Variants in DLG1 observed in about 807,000 individuals in gnomAD.
DLG1 encodes disks large homolog 1.
In DLG1, 42 loss-of-function variants were observed where a neutral mutation model predicts 123.4. The observed-to-expected ratio is 0.34, with a 90% confidence interval of 0.27 to 0.44. DLG1 has a LOEUF of 0.44. DLG1 is among the 20% of genes least tolerant of loss of function. DLG1 has a pLI of 1.00. For synonymous variants in DLG1, 317 were observed against 356.2 expected (o/e 0.89, Z 1.24); for missense variants, 942 against 1,082.6 (o/e 0.87, Z 1.82).
At chr3:197,259,286 A>T (rs1758279436) in intron 4 of DLG1, among the ~76,000 whole-genome samples, 1 of 152,198 alleles carries the variant, frequency 6.6e-6, no homozygotes, top group Non-Finnish European at 1.5e-5. Context: ...CTCCTTATAA[A>T]CAGGGAATGG....
At chr3:197,279,356 T>C (rs1463379594) in intron 4 of DLG1, among the ~76,000 whole-genome samples, 1 of 152,238 alleles carries the variant, frequency 6.6e-6, no homozygotes, top group Non-Finnish European at 1.5e-5. Context: ...TATAAGATGG[T>C]ACTTCCTACT....
chr3:197,168,319 A>C (rs1247039583), intron 5 of DLG1, among the ~76,000 whole-genome samples: 1 of 152,242 alleles, frequency 6.6e-6, no homozygotes. Flanking sequence ...ACGACGCATC[A>C]ACACACACAA....
rs527805950 is a variant in DLG1, at chr3:197,186,800, A to C, written c.483+7625T>G. Among the ~76,000 whole-genome samples the C allele has an allele frequency of 8.8e-3, 1,339 of 151,910 alleles. 12 individuals carry two copies. Among genetic ancestry groups the C allele is most frequent in the Non-Finnish European group, 0.015 (1,031 of 67,944 alleles). On this transcript the variant is annotated intron_variant, in intron 5 of 24. Coordinates refer to ENST00000667157, the MANE Select transcript of DLG1 (RefSeq NM_001366207.1). ...ACTACGTTGCCCAGGCTGGTCTTGA[A>C]CTCCTTGGCTCAATCCATGCTCCTG...
chr3:197,138,453 CT>C, intron 8 of DLG1, 62 bp from the exon 9 acceptor site: 1 of 945,056 alleles, frequency 1.1e-6, no homozygotes. Flanking sequence ...AAATTTTCCA[CT>C]TTACCAATTT....
At chr3:197,162,960 G>A (rs985325053) in intron 5 of DLG1, among the ~76,000 whole-genome samples, 1 of 152,104 alleles carries the variant, frequency 6.6e-6, no homozygotes, top group African/African-American at 2.4e-5. Flanking sequence ...CACCTGATAA[G>A]GGTTTAATAT....
At chr3:197,082,235 T>C (rs1230075504) in intron 16 of DLG1, among the ~76,000 whole-genome samples, 1 of 152,178 alleles carries the variant, frequency 6.6e-6, no homozygotes, top group Admixed American at 6.5e-5. Context: ...CTGGGCGCAG[T>C]GGCGGGTGCC....
intron 4 of DLG1, among the ~76,000 whole-genome samples, chr3:197,252,791 GT>G (rs1449756989): frequency 2.0e-5 from 3 of 152,178 alleles, no homozygotes; most frequent in Non-Finnish European, 2.9e-5. Flanking sequence ...AATAGTGGTA[GT>G]GGCTGCATCT....
At chr3:197,206,113 A>G (rs1728384478) in intron 4 of DLG1, among the ~76,000 whole-genome samples, 1 of 152,150 alleles carries the variant, frequency 6.6e-6, no homozygotes, top group Non-Finnish European at 1.5e-5. Flanking sequence ...GGGCACAGAC[A>G]TCTTTGAGGG....
At chr3:197,203,193 G>A (rs911966323) in intron 4 of DLG1, among the ~76,000 whole-genome samples, 2 of 152,110 alleles carry the variant, frequency 1.3e-5, no homozygotes, top group African/African-American at 4.8e-5. Context: ...GAGCCCGGGA[G>A]GTTGAGGCTG....
intron 5 of DLG1, among the ~76,000 whole-genome samples, chr3:197,157,955 A>C (rs1442043544): frequency 6.6e-6 from 1 of 152,222 alleles, no homozygotes; most frequent in African/African-American, 2.4e-5. Context: ...TTAGAAGAAA[A>C]CACAGGCTAA....
Position 197,075,165 on chromosome 3 carries a change from T to C in DLG1, c.2005+1421A>G, listed in dbSNP as rs1274382197. The stretch of plus-strand genomic sequence containing the variant: ...CATTTATTGAATGTCTTCTACATAC[T>C]AGACCCTGTGTGAAGCTTTACATGA... On this transcript the variant is annotated intron_variant, in intron 18 of 24. Transcript: ENST00000667157. Among the ~76,000 whole-genome samples, 5 of 151,982 alleles carry C rather than the reference T, an allele frequency of 3.3e-5. No homozygotes were observed. The East Asian group carries it at 7.7e-4, about 23-fold the overall frequency.
chr3:197,147,595 C>T (rs557973378), intron 6 of DLG1, among the ~76,000 whole-genome samples: 2 of 152,234 alleles, frequency 1.3e-5, no homozygotes, highest in East Asian at 3.9e-4. Flanking sequence ...ACAGTATGTT[C>T]TCACTCATAA....
At chr3:197,113,952 T>C (rs1771584505) in intron 13 of DLG1, among the ~76,000 whole-genome samples, 1 of 152,080 alleles carries the variant, frequency 6.6e-6, no homozygotes, top group Admixed American at 6.6e-5. Flanking sequence ...TGCCTGTGAA[T>C]AGCCACTGTA....
Position 197,157,764 on chromosome 3 carries a change from C to T in DLG1, c.484-7968G>A, listed in dbSNP as rs9990155. On this transcript the variant is annotated intron_variant, in intron 5 of 24. Transcript: ENST00000667157. The stretch of plus-strand genomic sequence containing the variant: ...TAATGAAAAAGAAAAACAAAGGTGG[C>T]GGGCTAACACTTCCTGATTCCAAAA... Among the ~76,000 whole-genome samples the T allele has an allele frequency of 9.8e-3, 1,488 of 152,194 alleles. 7 individuals carry two copies. Among genetic ancestry groups the T allele is most frequent in the Middle Eastern group, 0.027 (8 of 294 alleles).
chr3:197,164,918 T>C (rs900833307), intron 5 of DLG1, among the ~76,000 whole-genome samples: 2 of 142,738 alleles, frequency 1.4e-5, no homozygotes, highest in Non-Finnish European at 3.0e-5. Context: ...AGCAAGACTA[T>C]CTCAAAAAAA....
At chr3:197,201,102 G>A (rs903620659) in intron 4 of DLG1, among the ~76,000 whole-genome samples, 3 of 152,092 alleles carry the variant, frequency 2.0e-5, no homozygotes, top group Admixed American at 6.5e-5. Flanking sequence ...AGACTCCACC[G>A]GCCGGGCGCA....
intron 3 of DLG1, among the ~76,000 whole-genome samples, chr3:197,289,341 T>TACACACACACACAC (rs56319334): frequency 3.2e-4 from 48 of 150,398 alleles, no homozygotes; most frequent in East Asian, 9.9e-4. Flanking sequence ...TACACGCGCA[T>TACACACACACACAC]ACACACACAC....
At chr3:197,091,763 A>G (rs545522067) in intron 14 of DLG1, among the ~76,000 whole-genome samples, 2 of 152,136 alleles carry the variant, frequency 1.3e-5, no homozygotes, top group Non-Finnish European at 2.9e-5. Context: ...TTATAAACAC[A>G]TATCTTTTTT....
At chr3:197,157,336 G>T (rs1796815965) in intron 5 of DLG1, among the ~76,000 whole-genome samples, 1 of 152,132 alleles carries the variant, frequency 6.6e-6, no homozygotes, top group African/African-American at 2.4e-5. Flanking sequence ...AAAGTAGCAG[G>T]ATACAAAGTC....
Sources: allele counts gnomAD v4.1 joint callset (sites outside exome capture counted in the v4.1 genomes callset), GRCh38; gene constraint gnomAD v4.1.1; transcripts MANE v1.5; gene names NCBI Gene and HGNC (gene_info 2026-07-23, HGNC 2026-07-21).